SLCO1A2: variants seen among roughly 807,000 people sequenced by gnomAD.
SLCO1A2 encodes the protein solute carrier organic anion transporter family member 1A2, also known as OATP-1.
A neutral mutation model predicts 69.0 loss-of-function variants in SLCO1A2; 67 were observed. That is an observed-to-expected ratio of 0.97 (90% confidence interval 0.80 to 1.19). The LOEUF is 1.19. Among genes scored for constraint, SLCO1A2 ranks in the 50% most tolerant of loss-of-function variants. The pLI is 0.00. For synonymous variants in SLCO1A2, 260 were observed against 265.9 expected (o/e 0.98, Z 0.22); for missense variants, 787 against 793.7 (o/e 0.99, Z 0.10).
chr12:21,273,590 A>G (rs748271331), intron 14 of SLCO1A2, among the ~76,000 whole-genome samples: 2 of 152,176 alleles, frequency 1.3e-5, no homozygotes, highest in Non-Finnish European at 2.9e-5. Flanking sequence ...GGAGACTATC[A>G]ACAAGAATCC....
At chr12:21,352,750 C>G (rs1938059629) in intron 2 of SLCO1A2, among the ~76,000 whole-genome samples, 1 of 152,168 alleles carries the variant, frequency 6.6e-6, no homozygotes, top group South Asian at 2.1e-4. Context: ...AAACATTAAA[C>G]TAAAAAATGT....
At chr12:21,311,994 AGGAGGAGGAGAAGAAGAGGAGGAG>A (rs1290065768) in intron 4 of SLCO1A2, among the ~76,000 whole-genome samples, 1 of 151,156 alleles carries the variant, frequency 6.6e-6, no homozygotes, top group Non-Finnish European at 1.5e-5. Context: ...GAGGAAGAGG[AGGAGGAGGAGAAGAAGAGGAGGAG>A]GGAGGAGGAG....
chr12:21,357,497 G>A (rs1235264829), intron 2 of SLCO1A2, among the ~76,000 whole-genome samples: 2 of 152,174 alleles, frequency 1.3e-5, no homozygotes, highest in African/African-American at 2.4e-5. Flanking sequence ...TGTTGTTTAA[G>A]CCACATGGTG....
chr12:21,390,673 G>A (rs909871745), intron 1 of SLCO1A2, among the ~76,000 whole-genome samples: 1 of 152,130 alleles, frequency 6.6e-6, no homozygotes, highest in South Asian at 2.1e-4. Context: ...AAATATTTCT[G>A]ATGCTTTGGT....
At chr12:21,385,494 A>G (rs1220440440) in intron 1 of SLCO1A2, among the ~76,000 whole-genome samples, 1 of 152,242 alleles carries the variant, frequency 6.6e-6, no homozygotes, top group Non-Finnish European at 1.5e-5. Flanking sequence ...GCTGGTTAAG[A>G]GCAAAGCTCT....
intron 4 of SLCO1A2, among the ~76,000 whole-genome samples, 156 bp from the exon 5 acceptor site, chr12:21,307,144 A>C (rs956839535): frequency 2.0e-5 from 3 of 152,216 alleles, no homozygotes; most frequent in Non-Finnish European, 2.9e-5. Context: ...TCATAAGTTA[A>C]TATCATCAAA....
At chr12:21,354,807 C>G (rs1481193365) in intron 2 of SLCO1A2, among the ~76,000 whole-genome samples, 2 of 152,116 alleles carry the variant, frequency 1.3e-5, no homozygotes, top group African/African-American at 4.8e-5. Flanking sequence ...CTACTCATAT[C>G]TCCCAATAAG....
chr12:21,408,576 T>C (rs768284963), intron 1 of SLCO1A2, among the ~76,000 whole-genome samples: 9 of 152,178 alleles, frequency 5.9e-5, no homozygotes, highest in Non-Finnish European at 1.0e-4. Flanking sequence ...ACGAAAAGTG[T>C]CCCAGTCCCC....
chr12:21,269,736 T>G lies in SLCO1A2; in HGVS notation c.1825A>C (p.Arg609=). ...AAGGCTGGAACAAAGCTTGATCCTCTTAGTGCTGCCGGCAATCCGAGGTAG... is the reference window on the plus strand; with the variant it reads ...AAGGCTGGAACAAAGCTTGATCCTCGTAGTGCTGCCGGCAATCCGAGGTAG... ...YIYLGLPAAL[R]GSSFVPALII... Residue 609 remains arginine, a synonymous_variant, in exon 15 of 15, where the codon AGA becomes CGA. Transcript: ENST00000683939. 6.2e-7 allele frequency: 1 copy of G among 1,611,836 alleles called. No homozygotes were observed. Among genetic ancestry groups the G allele is most frequent in the South Asian group, 1.1e-5 (1 of 90,854 alleles).
At chr12:21,416,014 T>C (rs913525879) in intron 1 of SLCO1A2, among the ~76,000 whole-genome samples, 1 of 152,166 alleles carries the variant, frequency 6.6e-6, no homozygotes, top group Non-Finnish European at 1.5e-5. Context: ...ATGCAATTAC[T>C]TTTTATACAT....
intron 12 of SLCO1A2, among the ~76,000 whole-genome samples, chr12:21,278,214 ACCT>A (rs1591779651): frequency 6.6e-6 from 1 of 152,112 alleles, no homozygotes; most frequent in East Asian, 1.9e-4. Flanking sequence ...TCTGAGTGCC[ACCT>A]CAGCCACACT....
intron 12 of SLCO1A2, among the ~76,000 whole-genome samples, chr12:21,288,011 T>TAAAAAA (rs59000175): frequency 4.9e-5 from 5 of 102,906 alleles, no homozygotes; most frequent in Admixed American, 1.0e-4. Flanking sequence ...TAAAGTATAA[T>TAAAAAA]AAAAAAAAAA....
At chr12:21,402,685 T>C (rs1941744926) in intron 1 of SLCO1A2, among the ~76,000 whole-genome samples, 1 of 152,078 alleles carries the variant, frequency 6.6e-6, no homozygotes, top group Non-Finnish European at 1.5e-5. Flanking sequence ...GGGATGTCCA[T>C]AGTTCATAGT....
intron 1 of SLCO1A2, among the ~76,000 whole-genome samples, chr12:21,407,839 C>G (rs1486141354): frequency 2.0e-5 from 3 of 151,058 alleles, no homozygotes; most frequent in African/African-American, 7.3e-5. Context: ...AAAAAAAAAG[C>G]CTTTGGCTGC....
chr12:21,387,121 T>A (rs2192173), intron 1 of SLCO1A2, among the ~76,000 whole-genome samples: 103,582 of 152,084 alleles, frequency 0.68, 35,370 homozygotes, highest in Middle Eastern at 0.79. Context: ...GATTTAGGGT[T>A]TCTGGTGGAA....
intron 12 of SLCO1A2, among the ~76,000 whole-genome samples, chr12:21,279,531 G>T (rs1477568493): frequency 6.6e-6 from 1 of 152,156 alleles, no homozygotes; most frequent in African/African-American, 2.4e-5. Context: ...AACCTTACAG[G>T]CCAAGAGAGA....
At chr12:21,308,963 G>A (rs1400271939) in intron 4 of SLCO1A2, among the ~76,000 whole-genome samples, 1 of 152,150 alleles carries the variant, frequency 6.6e-6, no homozygotes, top group African/African-American at 2.4e-5. Flanking sequence ...CGGTACACTT[G>A]GAGGAGCCAG....
intron 1 of SLCO1A2, among the ~76,000 whole-genome samples, chr12:21,400,863 T>A: frequency 8.5e-6 from 1 of 117,484 alleles, no homozygotes. Context: ...AATATCACAC[T>A]CTGGGGACTG....
At chr12:21,299,956 A>G (rs1048222974) in intron 8 of SLCO1A2, among the ~76,000 whole-genome samples, 5 of 148,556 alleles carry the variant, frequency 3.4e-5, no homozygotes, top group Admixed American at 6.8e-5. Context: ...TCATATATAT[A>G]TGTGTGTGTG....
Sources: allele counts gnomAD v4.1 joint callset (sites outside exome capture counted in the v4.1 genomes callset), GRCh38; gene constraint gnomAD v4.1.1; transcripts MANE v1.5; gene names NCBI Gene and HGNC (gene_info 2026-07-23, HGNC 2026-07-21).